Variants in PKHD1 observed in about 807,000 individuals in gnomAD.
PKHD1 encodes the protein PKHD1 ciliary IPT domain containing fibrocystin/polyductin.
A neutral mutation model predicts 412.0 loss-of-function variants in PKHD1; 291 were observed. That is an observed-to-expected ratio of 0.71 (90% CI 0.64 to 0.78). The LOEUF (loss-of-function observed/expected upper bound fraction) is 0.78, where lower values mean the gene tolerates loss of function less well. Ranked by LOEUF, PKHD1 falls within the 30% of genes least tolerant of loss-of-function variation. PKHD1 has a pLI of 0.00. For synonymous variants in PKHD1, 1,777 were observed against 1,821.5 expected, an observed-to-expected ratio of 0.98 and a Z score of 0.62; for missense variants, 4,825 against 4,950.7, an observed-to-expected ratio of 0.97 and a Z score of 0.76.
intron 52 of PKHD1, among the ~76,000 whole-genome samples, chr6:51,807,505 G>A (rs1257090873): frequency 6.8e-5 from 10 of 146,234 alleles, no homozygotes; most frequent in Admixed American, 6.8e-4. Context: ...GTGTGTGTGT[G>A]TGTGTGTGTG....
intron 60 of PKHD1, among the ~76,000 whole-genome samples, chr6:51,725,778 T>C (rs776474516): frequency 3.3e-5 from 5 of 152,200 alleles, no homozygotes; most frequent in African/African-American, 7.2e-5. Flanking sequence ...ATTTTAGCCA[T>C]CACAAACTAA....
Position 51,911,871 on chromosome 6 carries a change from T to C in PKHD1, c.6418A>G (p.Thr2140Ala). 6.2e-7 allele frequency: 1 copy of C among 1,611,722 alleles called. No individual in the cohort carries two copies. The highest frequency in any genetic ancestry group is 8.5e-7 in the Non-Finnish European group (1 of 1,177,988). The change falls in exon 39 of 67, where the codon ACC becomes GCC. Residue 2140 changes from threonine (T) to alanine (A), a missense_variant. By Grantham distance (58) the Thr-to-Ala change is moderately conservative. Coordinates refer to ENST00000371117, the MANE Select transcript of PKHD1 (RefSeq NM_138694.4). ...ATVALLSRSITIQGNLTNERE... is the reference protein window; with the variant it reads ...ATVALLSRSIAIQGNLTNERE... ...TCATTAGTGAGATTTCCTTGTATGG[T>C]AATACTCCTGCTGAGCAGAGCCACA... is the stretch of plus-strand genomic sequence containing the variant.
At chr6:52,035,924 AG>A (rs1291194542) in intron 27 of PKHD1, among the ~76,000 whole-genome samples, 1 of 152,238 alleles carries the variant, frequency 6.6e-6, no homozygotes, top group Non-Finnish European at 1.5e-5. Flanking sequence ...AGGAGGGCAG[AG>A]AGAGGTAGCA....
intron 53 of PKHD1, among the ~76,000 whole-genome samples, chr6:51,777,689 A>G (rs1791277124): frequency 2.3e-4 from 5 of 21,950 alleles, no homozygotes; most frequent in Admixed American, 6.2e-4. Flanking sequence ...GAAAAAAAAA[A>G]AAAAAAAAAA....
intron 60 of PKHD1, among the ~76,000 whole-genome samples, chr6:51,715,721 G>A (rs1781176900): frequency 6.6e-6 from 1 of 152,152 alleles, no homozygotes; most frequent in Non-Finnish European, 1.5e-5. Context: ...GCACCTACTA[G>A]AAAGAGACAT....
chr6:51,860,137 G>A (rs1244817355), intron 48 of PKHD1, among the ~76,000 whole-genome samples: 1 of 152,200 alleles, frequency 6.6e-6, no homozygotes, highest in Admixed American at 6.5e-5. Flanking sequence ...AGGTAGAGAA[G>A]GAGGTTATCA....
Position 51,903,740 on chromosome 6 carries a change from C to A in PKHD1, c.6866-13G>T. On this transcript the variant is annotated splice_polypyrimidine_tract_variant and intron_variant, in intron 42 of 66. Coordinates refer to ENST00000371117, the MANE Select transcript of PKHD1 (RefSeq NM_138694.4). ...TGTCCTGACCAGTCTAATGTTTCAA[C>A]AAATCCAGGGGATCCACAAACATAA... is the stretch of plus-strand genomic sequence containing the variant. 1 of 1,604,804 alleles carries A rather than the reference C, an allele frequency of 6.2e-7. No individual in the cohort carries two copies. The highest frequency in any genetic ancestry group is 8.5e-7 in the Non-Finnish European group (1 of 1,173,588).
intron 31 of PKHD1, among the ~76,000 whole-genome samples, chr6:52,026,806 T>C (rs956357340): frequency 2.6e-5 from 4 of 152,214 alleles, no homozygotes; most frequent in Non-Finnish European, 5.9e-5. Context: ...TACTCTCCAG[T>C]AGAGAGGCCA....
At chr6:51,935,681 TATC>T (rs1339215675) in intron 36 of PKHD1, among the ~76,000 whole-genome samples, 2 of 152,182 alleles carry the variant, frequency 1.3e-5, no homozygotes, top group African/African-American at 4.8e-5. Context: ...ACCTCTCTAA[TATC>T]ATTTTCTAAA....
chr6:51,923,488 G>GT (rs1785026722), intron 37 of PKHD1, among the ~76,000 whole-genome samples: 1 of 148,006 alleles, frequency 6.8e-6, no homozygotes, highest in African/African-American at 2.5e-5. Flanking sequence ...GCTGACCCTA[G>GT]TTAAAGACAG....
At chr6:52,077,852 C>T (rs568457881) in intron 5 of PKHD1, among the ~76,000 whole-genome samples, 3 of 152,276 alleles carry the variant, frequency 2.0e-5, no homozygotes, top group East Asian at 1.9e-4. Context: ...CACACACCTG[C>T]CAAACATTCA....
rs772277538 is a variant in PKHD1 at position 52,017,625 on chromosome 6, G to A, written c.5385C>T (p.Ser1795=). 6.8e-6 allele frequency: 11 copies of A among 1,612,050 alleles called. No individual in the cohort carries two copies. The Admixed American group carries it at 1.8e-4, about 27-fold the overall frequency. Reference sequence around the variant, plus strand: ...GCTTCAGGCCACACAGGAAGGCCAAGGACACTGCAGGAAACAGTCACCATT... The same window carrying A: ...GCTTCAGGCCACACAGGAAGGCCAAAGACACTGCAGGAAACAGTCACCATT... ...FSCLVLPLDV[S]LAFLCGLKRE... is the part of the protein sequence containing the mutation. Residue 1795 remains serine, a synonymous_variant, in exon 34 of 67, where the codon TCC becomes TCT. Coordinates refer to ENST00000371117, the MANE Select transcript of PKHD1 (RefSeq NM_138694.4).
At position 52,025,609 on chromosome 6, in the gene PKHD1, C is replaced by A. The variant is rs201741541; in HGVS notation, c.4201G>T (p.Ala1401Ser). The A allele has an allele frequency of 6.2e-6, 10 of 1,614,148 alleles. No individual in the cohort carries two copies. In the East Asian group the frequency reaches 1.3e-4, roughly 22 times the overall value. ...IMAIFPSQGS[A>S]CGGTILTVRG... is the part of the protein sequence containing the mutation. The stretch of plus-strand genomic sequence containing the variant: ...ACAGTAAGTATGGTCCCACCACATG[C>A]CGAACCCTGCGATGGGAAGATGGCC... The change falls in exon 32 of 67, where the codon GCA becomes TCA. Residue 1401 changes from alanine (A) to serine (S), a missense_variant. Coordinates refer to ENST00000371117, the MANE Select transcript of PKHD1 (RefSeq NM_138694.4).
chr6:51,693,751 C>T (rs927987004), intron 60 of PKHD1, among the ~76,000 whole-genome samples: 1 of 152,104 alleles, frequency 6.6e-6, no homozygotes, highest in Non-Finnish European at 1.5e-5. Context: ...AATAATAATA[C>T]CAGATGACAT....
chr6:51,728,526 C>T (rs1284633826), intron 60 of PKHD1, among the ~76,000 whole-genome samples: 3 of 152,210 alleles, frequency 2.0e-5, no homozygotes, highest in African/African-American at 7.2e-5. Flanking sequence ...AAGCAGTGAG[C>T]AGCCGGACTC....
chr6:51,999,947 A>G (rs1291125871), intron 35 of PKHD1, among the ~76,000 whole-genome samples: 2 of 152,098 alleles, frequency 1.3e-5, no homozygotes, highest in Non-Finnish European at 2.9e-5. Context: ...TTCAACTACT[A>G]TCTGAGACCC....
chr6:51,946,958 C>T (rs1334121610), intron 36 of PKHD1, among the ~76,000 whole-genome samples: 2 of 152,138 alleles, frequency 1.3e-5, no homozygotes, highest in African/African-American at 2.4e-5. Context: ...AAAACAAATA[C>T]ACAATTCTAT....
intron 60 of PKHD1, among the ~76,000 whole-genome samples, chr6:51,709,507 T>A (rs1014387375): frequency 2.0e-5 from 3 of 152,182 alleles, no homozygotes; most frequent in Non-Finnish European, 4.4e-5. Flanking sequence ...GCCCAACCCC[T>A]GGGAAGATTT....
intron 60 of PKHD1, chr6:51,721,749 G>A (rs1781950563): frequency 7.2e-7 from 1 of 1,396,766 alleles, no homozygotes; most frequent in South Asian, 1.6e-5. Flanking sequence ...AGTCCCCAAA[G>A]TCAGGAGTAA....
Sources: allele counts gnomAD v4.1 joint callset (sites outside exome capture counted in the v4.1 genomes callset), GRCh38; gene constraint gnomAD v4.1.1; transcripts MANE v1.5; gene names NCBI Gene and HGNC (gene_info 2026-07-23, HGNC 2026-07-21).